Variants in MYO16 observed in about 807,000 individuals in gnomAD.
MYO16 encodes myosin XVI.
A neutral mutation model predicts 205.3 loss-of-function variants in MYO16; 94 were observed. That is an observed-to-expected ratio of 0.46 (90% CI 0.39 to 0.54). The LOEUF (loss-of-function observed/expected upper bound fraction) is 0.54, where lower values mean the gene tolerates loss of function less well. Ranked by LOEUF, MYO16 falls within the 20% of genes least tolerant of loss-of-function variation. MYO16 has a pLI of 0.00. For synonymous variants in MYO16, 988 were observed against 954.0 expected, an observed-to-expected ratio of 1.04 and a Z score of -0.66; for missense variants, 2,315 against 2,387.5, an observed-to-expected ratio of 0.97 and a Z score of 0.63.
chr13:108,667,322 T>TG (rs1881781525), intron 2 of MYO16, among the ~76,000 whole-genome samples: 2 of 141,384 alleles, frequency 1.4e-5, no homozygotes, highest in South Asian at 4.5e-4. Context: ...TCTGTTTTGT[T>TG]TTTTTTTTTT....
Position 109,022,537 on chromosome 13 carries a change from CAT to C in MYO16, c.2796+2629_2796+2630del, listed in dbSNP as rs1412232289. 1.2e-4 allele frequency among the ~76,000 whole-genome samples: 15 copies of C among 128,696 alleles called. 2 individuals are homozygous for C. The highest frequency in any genetic ancestry group is 6.7e-4 in the East Asian group (3 of 4,462). The allele number at this position is 128,696 out of a possible 152,430, so 84.4% of individuals were successfully genotyped here. A position where few individuals can be genotyped will look rare whatever the true frequency, so the allele number is the denominator to read the frequency against. On this transcript the variant is annotated intron_variant, in intron 23 of 34. Transcript: ENST00000457511. ...ATATTTGTTATATATACAATATAAA[CAT>C]ATGTATATATTTCTATATTCTACAT...
the MYO16 span, among the ~76,000 whole-genome samples, chr13:108,510,476 T>TTTG: frequency 1.5e-5 from 2 of 133,302 alleles, no homozygotes; most frequent in South Asian, 2.5e-4. Flanking sequence ...TTTTTTTTTT[T>TTTG]TTTTTTTTTA....
intron 32 of MYO16, among the ~76,000 whole-genome samples, chr13:109,146,832 A>T (rs530064100): frequency 2.0e-5 from 3 of 152,114 alleles, no homozygotes; most frequent in South Asian, 2.1e-4. Context: ...AGAAAGAGAG[A>T]AAGAGAAAAA....
At chr13:109,002,607 G>A (rs1885254623) in intron 21 of MYO16, among the ~76,000 whole-genome samples, 1 of 152,138 alleles carries the variant, frequency 6.6e-6, no homozygotes, top group African/African-American at 2.4e-5. Flanking sequence ...TCTACTCTGA[G>A]GAATACCCGG....
At chr13:108,793,352 TAGAATATG>T (rs1886680718) in intron 5 of MYO16, among the ~76,000 whole-genome samples, 156 bp from the exon 6 acceptor site, 1 of 150,046 alleles carries the variant, frequency 6.7e-6, no homozygotes, top group Non-Finnish European at 1.5e-5. Flanking sequence ...TAGTTGGAAA[TAGAATATG>T]TACAAAGATA....
intron 12 of MYO16, 64 bp from the exon 13 acceptor site, chr13:108,882,995 T>C (rs74819037): frequency 1.9e-6 from 3 of 1,585,726 alleles, no homozygotes; most frequent in Non-Finnish European, 1.7e-6. Context: ...ACTCTCATTA[T>C]GGGATGAGGA....
At chr13:108,717,414 A>G (rs1223458646) in intron 3 of MYO16, among the ~76,000 whole-genome samples, 3 of 151,994 alleles carry the variant, frequency 2.0e-5, no homozygotes, top group Non-Finnish European at 4.4e-5. Context: ...GGCAGACACG[A>G]GGTCAGGAGA....
chr13:108,622,900 T>G (rs1879597574), intron 1 of MYO16, among the ~76,000 whole-genome samples: 1 of 152,030 alleles, frequency 6.6e-6, no homozygotes, highest in African/African-American at 2.4e-5. Context: ...GCAGTGGAAT[T>G]GTAACACAGG....
chr13:109,154,775 G>T (rs960823716), intron 32 of MYO16, among the ~76,000 whole-genome samples: 1 of 151,872 alleles, frequency 6.6e-6, no homozygotes, highest in South Asian at 2.1e-4. Context: ...CTGGATTTAC[G>T]TTACCACCTG....
intron 24 of MYO16, 25 bp from the exon 25 acceptor site, chr13:109,052,275 C>A: frequency 1.9e-6 from 3 of 1,594,024 alleles, no homozygotes; most frequent in Non-Finnish European, 2.6e-6. Flanking sequence ...GTGCCACTTA[C>A]GATATTCATT....
At chr13:108,880,784 AG>A (rs1189932436) in intron 12 of MYO16, among the ~76,000 whole-genome samples, 2 of 152,182 alleles carry the variant, frequency 1.3e-5, no homozygotes, top group Non-Finnish European at 2.9e-5. Context: ...TATAGTTTGA[AG>A]TCAGGTAGCA....
chr13:108,862,743 A>G (rs1453335620), intron 11 of MYO16, among the ~76,000 whole-genome samples: 3 of 152,168 alleles, frequency 2.0e-5, no homozygotes, highest in Non-Finnish European at 2.9e-5. Context: ...AACAATTTCA[A>G]TTGGATTTGT....
chr13:108,565,821 T>C, the MYO16 span, among the ~76,000 whole-genome samples: 1 of 152,210 alleles, frequency 6.6e-6, no homozygotes, highest in Non-Finnish European at 1.5e-5. Flanking sequence ...GGGTCTGTCA[T>C]GTACAGCTTT....
In MYO16 at chr13:109,173,950, G is replaced by C. The variant is rs537357487; in HGVS notation, c.5324-5592G>C. Among the ~76,000 whole-genome samples the C allele has an allele frequency of 6.1e-5, 9 of 146,918 alleles. 1 individual carries two copies. The highest frequency in any genetic ancestry group is 2.1e-4 in the East Asian group (1 of 4,856). On this transcript the variant is annotated intron_variant, in intron 33 of 34. Transcript: ENST00000457511. Reference sequence around the variant, plus strand: ...GAAAGGGTTGTCCTTGTTTTGATGGGGGGGGGTACTCTCTGCTGTTTTGGA... The same window carrying C: ...GAAAGGGTTGTCCTTGTTTTGATGGCGGGGGGTACTCTCTGCTGTTTTGGA...
the MYO16 span, among the ~76,000 whole-genome samples, chr13:108,552,296 A>G: frequency 6.6e-6 from 1 of 152,324 alleles, no homozygotes; most frequent in East Asian, 1.9e-4. Context: ...GGATGGCTAA[A>G]TTTGGGTGAC....
At chr13:108,593,935 C>T (rs533733662), upstream of MYO16, among the ~76,000 whole-genome samples, 20 of 152,296 alleles carry the variant, frequency 1.3e-4, no homozygotes, top group Non-Finnish European at 2.6e-4. Context: ...CACAGCTGGC[C>T]CATGGTGTTC....
intron 28 of MYO16, among the ~76,000 whole-genome samples, chr13:109,119,526 T>G (rs1043200200): frequency 3.9e-5 from 6 of 152,214 alleles, no homozygotes; most frequent in Non-Finnish European, 8.8e-5. Flanking sequence ...GTGAGGGGTA[T>G]TCCTCACACC....
chr13:109,073,364 G>C (rs1397651583), intron 27 of MYO16, among the ~76,000 whole-genome samples: 1 of 151,798 alleles, frequency 6.6e-6, no homozygotes, highest in African/African-American at 2.4e-5. Context: ...ACCCACCTTG[G>C]CCTCCCGAAG....
chr13:108,851,371 A>T (rs1268872627), intron 10 of MYO16, among the ~76,000 whole-genome samples: 3 of 152,194 alleles, frequency 2.0e-5, no homozygotes, highest in Admixed American at 2.0e-4. Flanking sequence ...CAAAGATATT[A>T]AAAAGAAAAT....
Sources: allele counts gnomAD v4.1 joint callset (sites outside exome capture counted in the v4.1 genomes callset), GRCh38; gene constraint gnomAD v4.1.1; transcripts MANE v1.5; gene names NCBI Gene and HGNC (gene_info 2026-07-23, HGNC 2026-07-21).